Variants in CREB5 observed in about 807,000 individuals in gnomAD.
CREB5 encodes the protein cyclic AMP-responsive element-binding protein 5.
CREB5 carries 19 observed loss-of-function variants against 57.1 expected under a neutral mutation model. That is an observed-to-expected ratio of 0.33 (90% confidence interval 0.23 to 0.49). The LOEUF (loss-of-function observed/expected upper bound fraction) is 0.49, where lower values mean the gene tolerates loss of function less well. CREB5 is among the 20% of genes least tolerant of loss of function. CREB5 has a pLI of 0.99. For synonymous variants in CREB5, 238 were observed against 238.3 expected, an observed-to-expected ratio of 1.00 and a Z score of 0.01; for missense variants, 579 against 671.6, an observed-to-expected ratio of 0.86 and a Z score of 1.52.
At chr7:28,679,663 G>A (rs972028474) in intron 5 of CREB5, among the ~76,000 whole-genome samples, 1 of 152,180 alleles carries the variant, frequency 6.6e-6, no homozygotes, top group Non-Finnish European at 1.5e-5. Context: ...ATGTTCCTAA[G>A]ATGGTTGTCT....
intron 5 of CREB5, among the ~76,000 whole-genome samples, chr7:28,612,817 C>T (rs1397473065): frequency 2.6e-5 from 4 of 151,940 alleles, no homozygotes; most frequent in African/African-American, 7.3e-5. Context: ...TGTTATTAGT[C>T]GAAGGGGAAA....
intron 1 of CREB5, among the ~76,000 whole-genome samples, chr7:28,425,850 C>T (rs540897605): frequency 6.6e-6 from 1 of 152,334 alleles, no homozygotes; most frequent in Admixed American, 6.5e-5. Flanking sequence ...GCGCCTTTGA[C>T]ATTTTCCTCT....
intron 2 of CREB5, among the ~76,000 whole-genome samples, chr7:28,491,695 G>A (rs982561351): frequency 8.5e-5 from 13 of 152,308 alleles, no homozygotes; most frequent in African/African-American, 2.9e-4. Context: ...TGGAAGAGGT[G>A]TTAGAATTAA....
At chr7:28,414,050 T>A (rs1331727636) in intron 1 of CREB5, among the ~76,000 whole-genome samples, 1 of 152,206 alleles carries the variant, frequency 6.6e-6, no homozygotes, top group Non-Finnish European at 1.5e-5. Flanking sequence ...ACTAGATCAC[T>A]AAGATGTGAA....
At chr7:28,660,697 T>A (rs1799577741) in intron 5 of CREB5, among the ~76,000 whole-genome samples, 1 of 152,220 alleles carries the variant, frequency 6.6e-6, no homozygotes, top group Non-Finnish European at 1.5e-5. Flanking sequence ...TATGGAATTA[T>A]GCCCCCACCC....
At chr7:28,676,326 T>TGC (rs1800319624) in intron 5 of CREB5, among the ~76,000 whole-genome samples, 1 of 152,228 alleles carries the variant, frequency 6.6e-6, no homozygotes, top group Admixed American at 6.5e-5. Flanking sequence ...CTTGTGTGTG[T>TGC]GCTGTCTGTC....
chr7:28,700,337 C>T (rs1283484191), intron 5 of CREB5, among the ~76,000 whole-genome samples: 1 of 152,102 alleles, frequency 6.6e-6, no homozygotes, highest in African/African-American at 2.4e-5. Flanking sequence ...CCCTGGAACC[C>T]CCGGGGTATT....
intron 7 of CREB5, among the ~76,000 whole-genome samples, chr7:28,788,987 A>G (rs924998364): frequency 1.1e-4 from 17 of 152,184 alleles, no homozygotes; most frequent in African/African-American, 4.1e-4. Context: ...TTTTGGTGGC[A>G]TGGGACTGTG....
intron 7 of CREB5, among the ~76,000 whole-genome samples, chr7:28,769,159 A>G (rs1418649215): frequency 6.6e-6 from 1 of 152,260 alleles, no homozygotes; most frequent in African/African-American, 2.4e-5. Flanking sequence ...TTAAAACTCA[A>G]CTGGATAAAT....
At position 28,773,611 on chromosome 7, in the gene CREB5, A is replaced by G. The variant is rs994120773; in HGVS notation, c.703-30588A>G. On this transcript the variant is annotated intron_variant, in intron 7 of 10. Transcript: ENST00000357727. ...ATACGTGATACCTGAATGAATGGGC[A>G]TGGCTGTGTTCCAATAAAACTTTAT... Among the ~76,000 whole-genome samples the G allele has an allele frequency of 3.3e-5, 5 of 152,220 alleles. No individual in the cohort carries two copies. In the South Asian group the frequency reaches 6.2e-4, roughly 19 times the overall value.
At chr7:28,592,132 A>G (rs1426224373) in intron 5 of CREB5, among the ~76,000 whole-genome samples, 1 of 152,214 alleles carries the variant, frequency 6.6e-6, no homozygotes. Flanking sequence ...GTTATACCAC[A>G]AAGAAATCAA....
chr7:28,515,356 G>A (rs1792898380), intron 4 of CREB5, among the ~76,000 whole-genome samples: 1 of 152,122 alleles, frequency 6.6e-6, no homozygotes. Context: ...GGTGGATTTT[G>A]TTTACACCTT....
intron 5 of CREB5, among the ~76,000 whole-genome samples, chr7:28,628,403 C>A (rs1161798779): frequency 6.6e-6 from 1 of 152,038 alleles, no homozygotes; most frequent in African/African-American, 2.4e-5. Flanking sequence ...TCTGATTTGC[C>A]CCAGAAGGCT....
At chr7:28,655,321 A>G (rs899729006) in intron 5 of CREB5, among the ~76,000 whole-genome samples, 1 of 152,218 alleles carries the variant, frequency 6.6e-6, no homozygotes, top group African/African-American at 2.4e-5. Context: ...TTTGAACAAA[A>G]TAAGGCTGGG....
intron 1 of CREB5, among the ~76,000 whole-genome samples, chr7:28,393,609 G>A (rs1787266994): frequency 6.6e-6 from 1 of 152,192 alleles, no homozygotes; most frequent in African/African-American, 2.4e-5. Context: ...AAGCTCAACA[G>A]CTGTCTAACA....
Position 28,822,960 on chromosome 7 carries a change from T to C in CREB5, c.*3681T>C, listed in dbSNP as rs886171635. The C allele has an allele frequency of 2.0e-5, 3 of 152,598 alleles. No individual in the cohort carries two copies. Among genetic ancestry groups the C allele is most frequent in the African/African-American group, 7.2e-5 (3 of 41,448 alleles). The allele number at this position is 152,598 out of a possible 1,614,324, so 9.5% of individuals were successfully genotyped here. On this transcript the variant is annotated 3_prime_UTR_variant, in exon 11 of 11. Coordinates refer to ENST00000357727, the MANE Select transcript of CREB5 (RefSeq NM_182898.4). ...GTGCTCACAGTATATATTATAGTAA[T>C]TAGGGTGACTTAGAGCAAATACTCT...
At chr7:28,803,650 A>G (rs933896395) in intron 7 of CREB5, among the ~76,000 whole-genome samples, 2 of 151,506 alleles carry the variant, frequency 1.3e-5, no homozygotes, top group African/African-American at 2.4e-5. Flanking sequence ...CCAGCTACTC[A>G]GAAGGCTGAG....
At chr7:28,538,721 G>A (rs530131561) in intron 4 of CREB5, among the ~76,000 whole-genome samples, 1 of 152,118 alleles carries the variant, frequency 6.6e-6, no homozygotes, top group East Asian at 1.9e-4. Flanking sequence ...TTTCTAATAT[G>A]TGCATTTAAA....
At chr7:28,632,630 C>T (rs1798246905) in intron 5 of CREB5, among the ~76,000 whole-genome samples, 1 of 152,126 alleles carries the variant, frequency 6.6e-6, no homozygotes, top group Admixed American at 6.5e-5. Context: ...CCTGGGATCC[C>T]GGGAGGACAG....
Sources: gnomAD v4.1 joint callset for allele counts (sites outside exome capture counted in the v4.1 genomes callset) on GRCh38, gnomAD v4.1.1 for gene constraint, MANE v1.5 for transcripts, NCBI Gene and HGNC (gene_info 2026-07-23, HGNC 2026-07-21) for gene names.